Variants in CPSF6 observed in about 807,000 individuals in gnomAD.
CPSF6 encodes the protein cleavage and polyadenylation specificity factor subunit 6.
CPSF6 carries 10 observed loss-of-function variants against 56.7 expected under a neutral mutation model. That is an observed-to-expected ratio of 0.18 (90% CI 0.11 to 0.30). The LOEUF is 0.30. Among genes scored for constraint, CPSF6 ranks in the 10% least tolerant of loss-of-function variants. CPSF6 has a pLI of 1.00. For synonymous variants in CPSF6, 248 were observed against 244.8 expected (o/e 1.01, Z -0.12); for missense variants, 419 against 722.9 (o/e 0.58, Z 4.82).
intron 1 of CPSF6, 33 bp downstream of exon 1, chr12:69,239,739 CG>C: frequency 6.4e-7 from 1 of 1,556,708 alleles, no homozygotes; most frequent in Non-Finnish European, 8.7e-7. Context: ...GCCGCCGACG[CG>C]GGCGGCGCTG....
At chr12:69,254,944 C>T (rs1267236911) in intron 3 of CPSF6, 2 of 152,102 alleles carry the variant, frequency 1.3e-5, no homozygotes, top group Admixed American at 6.6e-5. Flanking sequence ...ATGTACAATT[C>T]AATGATAATT....
chr12:69,262,711 T>C (rs770091300), intron 9 of CPSF6, 149 bp downstream of exon 9: 1 of 1,047,954 alleles, frequency 9.5e-7, no homozygotes, highest in Non-Finnish European at 1.3e-6. Context: ...AAACAAATTA[T>C]AGGTAAGTAA....
At chr12:69,251,544 A>G (rs192488047) in intron 2 of CPSF6, among the ~76,000 whole-genome samples, 327 of 149,572 alleles carry the variant, frequency 2.2e-3, no homozygotes, top group African/African-American at 4.6e-3. Flanking sequence ...TGGTCATTCA[A>G]CTTTTCTTGG....
Position 69,269,588 on chromosome 12 carries a change from C to T in CPSF6, c.*80C>T. 4.6e-6 allele frequency: 2 copies of T among 437,052 alleles called. No homozygotes were observed. Among genetic ancestry groups the T allele is most frequent in the South Asian group, 3.3e-5 (2 of 60,814 alleles). The allele number at this position is 437,052 out of a possible 1,614,324, so 27.1% of individuals were successfully genotyped here. The stretch of plus-strand genomic sequence containing the variant: ...ATGACGCTTGTCCAGCAGTTTGCTT[C>T]TTGTGATTGAACTGAACCTGTAAGG... On this transcript the variant is annotated 3_prime_UTR_variant, in exon 10 of 10. Transcript: ENST00000435070.
chr12:69,239,589 C>T lies in CPSF6; in HGVS notation c.-58C>T, dbSNP rs1450849558. 1.3e-6 allele frequency: 2 copies of T among 1,513,552 alleles called. No individual in the cohort carries two copies. Among genetic ancestry groups the T allele is most frequent in the Non-Finnish European group, 8.8e-7 (1 of 1,131,790 alleles). The allele number at this position is 1,513,552 out of a possible 1,614,324, so 93.8% of individuals were successfully genotyped here. A position where few individuals can be genotyped will look rare whatever the true frequency, so the allele number is the denominator to read the frequency against. Reference sequence around the variant, plus strand: ...CCGCCGCTAGATCCGCTGCTGCTGCCGCGGCGGGCAGACCTGCAGGAGGCG... The same window carrying T: ...CCGCCGCTAGATCCGCTGCTGCTGCTGCGGCGGGCAGACCTGCAGGAGGCG... On this transcript the variant is annotated 5_prime_UTR_variant, in exon 1 of 10. Transcript: ENST00000435070.
chr12:69,268,495 A>G (rs953119832), intron 9 of CPSF6, among the ~76,000 whole-genome samples: 1 of 151,908 alleles, frequency 6.6e-6, no homozygotes, highest in Admixed American at 6.6e-5. Context: ...TGTAGAGCAA[A>G]AAGTATTTTT....
chr12:69,260,488 A>G (rs1455107965), intron 8 of CPSF6, among the ~76,000 whole-genome samples: 3 of 151,942 alleles, frequency 2.0e-5, no homozygotes, highest in African/African-American at 4.8e-5. Flanking sequence ...TCCAGTGAGT[A>G]TTTCTCCATA....
chr12:69,250,099 CATTT>C (rs137948049), intron 1 of CPSF6, among the ~76,000 whole-genome samples: 2,286 of 152,144 alleles, frequency 0.015, 64 homozygotes, highest in African/African-American at 0.052. Context: ...TTACCTTGTT[CATTT>C]ATTACGACAT....
rs376786200 is a variant in CPSF6, at chr12:69,254,535, C to T, written c.374+1381C>T. ...TATTTCTGCTCTGATATATTTTACT[C>T]GTTTGTTGTCTCCTCTTCCAAGCCT... On this transcript the variant is annotated intron_variant, in intron 3 of 9. Transcript: ENST00000435070. Among the ~76,000 whole-genome samples the T allele has an allele frequency of 7.2e-5, 11 of 152,278 alleles. No homozygotes were observed. The East Asian group carries it at 1.5e-3, about 21-fold the overall frequency.
intron 2 of CPSF6, 72 bp downstream of exon 2, chr12:69,251,410 C>G: frequency 9.8e-7 from 1 of 1,021,368 alleles, no homozygotes; most frequent in Admixed American, 2.5e-5. Flanking sequence ...TAATGTTTTT[C>G]TCCAGATTTT....
Position 69,257,048 on chromosome 12 carries a change from T to C in CPSF6, c.520+206T>C, listed in dbSNP as rs569469562. 4.5e-4 allele frequency among the ~76,000 whole-genome samples: 69 copies of C among 152,332 alleles called. 1 individual carries two copies. The South Asian group carries it at 0.013, about 29-fold the overall frequency. The stretch of plus-strand genomic sequence containing the variant: ...CTCCTGTTCCATTTTTCTCCAGATG[T>C]AACAGACCCAATACTATACAACAAT... On this transcript the variant is annotated intron_variant, in intron 4 of 9. Coordinates refer to ENST00000435070, the MANE Select transcript of CPSF6 (RefSeq NM_007007.3).
At chr12:69,244,877 A>C (rs1169986991) in intron 1 of CPSF6, among the ~76,000 whole-genome samples, 1 of 152,090 alleles carries the variant, frequency 6.6e-6, no homozygotes, top group Non-Finnish European at 1.5e-5. Context: ...CTTCTGTAAT[A>C]CGTGGTGAAG....
chr12:69,245,679 G>A (rs1871865301), intron 1 of CPSF6, among the ~76,000 whole-genome samples: 1 of 152,194 alleles, frequency 6.6e-6, no homozygotes. Flanking sequence ...CATTGAAGTA[G>A]TATGTTTTGT....
Position 69,269,633 on chromosome 12 carries a change from AG to A in CPSF6, c.*127del, listed in dbSNP as rs1162222053. ...GTAAGGATTCATGGATAAAATGAAC[AG>A]GAATAGATCTGAATAAAGCAAATCT... On this transcript the variant is annotated 3_prime_UTR_variant, in exon 10 of 10. Coordinates refer to ENST00000435070, the MANE Select transcript of CPSF6 (RefSeq NM_007007.3). 2.5e-6 allele frequency: 1 copy of A among 398,948 alleles called. No homozygotes were observed. Among genetic ancestry groups the A allele is most frequent in the Non-Finnish European group, 5.0e-6 (1 of 201,048 alleles). The allele number at this position is 398,948 out of a possible 1,614,324, so 24.7% of individuals were successfully genotyped here. A position where few individuals can be genotyped will look rare whatever the true frequency, so the allele number is the denominator to read the frequency against.
chr12:69,272,698 A>G lies in CPSF6; in HGVS notation c.*3190A>G, dbSNP rs1303045302. 1 of 151,880 alleles carries G rather than the reference A, an allele frequency of 6.6e-6. No individual in the cohort carries two copies. The highest frequency in any genetic ancestry group is 2.4e-5 in the African/African-American group (1 of 41,442). The allele number at this position is 151,880 out of a possible 1,614,324, so 9.4% of individuals were successfully genotyped here. A position where few individuals can be genotyped will look rare whatever the true frequency, so the allele number is the denominator to read the frequency against. On this transcript the variant is annotated 3_prime_UTR_variant, in exon 10 of 10. Transcript: ENST00000435070. Reference sequence around the variant, plus strand: ...GAGATTCTCTGTTTTACAGATAACAACTGGTTTTTATTACTCATTAAGTTC... The same window carrying G: ...GAGATTCTCTGTTTTACAGATAACAGCTGGTTTTTATTACTCATTAAGTTC...
At chr12:69,267,183 A>G (rs995116603) in intron 9 of CPSF6, among the ~76,000 whole-genome samples, 1 of 152,058 alleles carries the variant, frequency 6.6e-6, no homozygotes, top group African/African-American at 2.4e-5. Flanking sequence ...GTGCCCTGTC[A>G]AGTATTTATT....
intron 4 of CPSF6, 70 bp from the exon 5 acceptor site, chr12:69,257,662 A>C: frequency 7.1e-7 from 1 of 1,406,346 alleles, no homozygotes; most frequent in African/African-American, 1.4e-5. Context: ...AGTTGTTTTT[A>C]ATAATAGTGG....
rs575601119 is a variant in CPSF6, at chr12:69,253,982, ACTTAT to A, written c.374+833_374+837del. ...AATTTTCTTATTTCTTATATTGCTT[ACTTAT>A]CTTAGAAGATTATACCAATTTATAC... On this transcript the variant is annotated intron_variant, in intron 3 of 9. Transcript: ENST00000435070. 3.9e-5 allele frequency among the ~76,000 whole-genome samples: 6 copies of A among 152,268 alleles called. No homozygotes were observed. In the South Asian group the frequency reaches 1.0e-3, roughly 26 times the overall value.
chr12:69,247,718 CTT>C (rs1208426092), intron 1 of CPSF6, among the ~76,000 whole-genome samples: 1 of 151,976 alleles, frequency 6.6e-6, no homozygotes, highest in Non-Finnish European at 1.5e-5. Context: ...TATTTTCTCA[CTT>C]TATGAAGTAA....
Sources: allele counts gnomAD v4.1 joint callset (sites outside exome capture counted in the v4.1 genomes callset), GRCh38; gene constraint gnomAD v4.1.1; transcripts MANE v1.5; gene names NCBI Gene and HGNC (gene_info 2026-07-23, HGNC 2026-07-21).